OPN5: variants seen among roughly 807,000 people sequenced by gnomAD.
OPN5 encodes the protein opsin-5.
Under a neutral mutation model 41.7 loss-of-function variants are expected in OPN5, and 18 were observed. The observed-to-expected ratio is 0.43, with a 90% CI of 0.30 to 0.64. OPN5 has a LOEUF of 0.64. Ranked by LOEUF, OPN5 falls within the 30% of genes least tolerant of loss-of-function variation. The pLI is 0.13. For missense variants in OPN5, 318 were observed against 434.5 expected, an observed-to-expected ratio of 0.73 and a Z score of 2.38; for synonymous variants, 178 against 164.3, an observed-to-expected ratio of 1.08 and a Z score of -0.64.
intron 2 of OPN5, among the ~76,000 whole-genome samples, chr6:47,788,371 C>T (rs1341934582): frequency 6.6e-6 from 1 of 152,182 alleles, no homozygotes; most frequent in East Asian, 1.9e-4. Context: ...TAATAGCAGG[C>T]TCATTGCTGA....
chr6:47,813,734 A>T (rs1178609378), intron 6 of OPN5, among the ~76,000 whole-genome samples: 2 of 152,152 alleles, frequency 1.3e-5, no homozygotes, highest in African/African-American at 2.4e-5. Flanking sequence ...GACCTGAATT[A>T]AAAAATGGCA....
chr6:47,822,633 T>A (rs1333011988), intron 6 of OPN5, among the ~76,000 whole-genome samples: 1 of 152,186 alleles, frequency 6.6e-6, no homozygotes, highest in South Asian at 2.1e-4. Context: ...GGCTGGTATG[T>A]AACAGGGTGT....
exon 5 of OPN5, chr6:47,808,215 T>G: frequency 6.2e-7 from 1 of 1,613,984 alleles, no homozygotes; most frequent in Non-Finnish European, 8.5e-7. Flanking sequence ...GTGGTGTCTG[T>G]GTGGTCAGCT....
chr6:47,807,800 G>A (rs1246782715), intron 4 of OPN5, among the ~76,000 whole-genome samples: 1 of 151,882 alleles, frequency 6.6e-6, no homozygotes, highest in South Asian at 2.1e-4. Flanking sequence ...ATTTTCCATC[G>A]AGTTTTTAAG....
At chr6:47,816,554 G>C (rs1762434190) in intron 6 of OPN5, among the ~76,000 whole-genome samples, 2 of 152,144 alleles carry the variant, frequency 1.3e-5, no homozygotes, top group Non-Finnish European at 2.9e-5. Flanking sequence ...GCAAAATGGA[G>C]CTGGCCAGGT....
At chr6:47,807,822 T>C (rs1774034164) in intron 4 of OPN5, among the ~76,000 whole-genome samples, 1 of 151,866 alleles carries the variant, frequency 6.6e-6, no homozygotes, top group Non-Finnish European at 1.5e-5. Context: ...GAATGTGGGT[T>C]GAGAAGTCCA....
At chr6:47,782,341 T>A in intron 1 of OPN5, 145 bp downstream of exon 1, 1 of 638,622 alleles carries the variant, frequency 1.6e-6, no homozygotes, top group Non-Finnish European at 2.7e-6. Context: ...GGAATGGCAT[T>A]ATGGCATTCA....
At chr6:47,811,715 T>C in exon 6 of OPN5, 1 of 1,612,264 alleles carries the variant, frequency 6.2e-7, no homozygotes, top group Non-Finnish European at 8.5e-7. Context: ...TCTGCTGTGC[T>C]GGAAATTCAT....
chr6:47,798,413 T>G (rs764348440), intron 4 of OPN5, among the ~76,000 whole-genome samples: 13 of 150,640 alleles, frequency 8.6e-5, no homozygotes, highest in Non-Finnish European at 1.3e-4. Flanking sequence ...TTTGATTTGT[T>G]GTATTATTCC....
At chr6:47,784,982 G>A (rs567074835) in intron 1 of OPN5, among the ~76,000 whole-genome samples, 1 of 152,202 alleles carries the variant, frequency 6.6e-6, no homozygotes, top group East Asian at 1.9e-4. Flanking sequence ...TAATTTACAT[G>A]CAATGAATAG....
intron 4 of OPN5, among the ~76,000 whole-genome samples, chr6:47,807,238 G>A (rs561725976): frequency 1.3e-5 from 2 of 152,288 alleles, no homozygotes; most frequent in East Asian, 3.9e-4. Context: ...ATTCAGCCTT[G>A]TACTGTAGTT....
intron 4 of OPN5, among the ~76,000 whole-genome samples, chr6:47,806,190 A>G (rs1031147950): frequency 6.6e-6 from 1 of 152,066 alleles, no homozygotes; most frequent in Non-Finnish European, 1.5e-5. Flanking sequence ...CCCCCCCAAA[A>G]AACAAATAGG....
At chr6:47,813,702 T>A (rs529398530) in intron 6 of OPN5, among the ~76,000 whole-genome samples, 1 of 152,110 alleles carries the variant, frequency 6.6e-6, no homozygotes, top group East Asian at 1.9e-4. Flanking sequence ...AGAGGCTTTA[T>A]AACAAAATTA....
chr6:47,808,439 C>CA (rs748543143), intron 5 of OPN5, 44 bp downstream of exon 5: 3 of 1,606,082 alleles, frequency 1.9e-6, no homozygotes, highest in Non-Finnish European at 1.7e-6. Context: ...CTCTTTGTTT[C>CA]AAAATCCGGC....
chr6:47,800,901 A>G (rs145552874), intron 4 of OPN5, among the ~76,000 whole-genome samples: 1 of 152,342 alleles, frequency 6.6e-6, no homozygotes, highest in African/African-American at 2.4e-5. Flanking sequence ...TATGCTATAC[A>G]TGTTGGTACT....
chr6:47,787,102 G>A, intron 2 of OPN5: 1 of 982,042 alleles, frequency 1.0e-6, no homozygotes, highest in Non-Finnish European at 1.2e-6. Flanking sequence ...TGTAGGAAGA[G>A]GAAAGAGGTG....
chr6:47,824,328 G>A (rs1023991035), exon 7 of OPN5: 10 of 356,132 alleles, frequency 2.8e-5, no homozygotes, highest in African/African-American at 1.6e-4. Flanking sequence ...GGCCTGAAAA[G>A]CCTGATTCAA....
chr6:47,821,126 G>A (rs60068235), intron 6 of OPN5, among the ~76,000 whole-genome samples: 19,199 of 152,202 alleles, frequency 0.13, 1,333 homozygotes, highest in Middle Eastern at 0.16. Context: ...GCTGCATCAG[G>A]GGTGGCAGAG....
intron 5 of OPN5, among the ~76,000 whole-genome samples, chr6:47,808,690 G>A (rs189401089): frequency 1.3e-5 from 2 of 152,230 alleles, no homozygotes; most frequent in Non-Finnish European, 2.9e-5. Context: ...CTCGTACATT[G>A]CATATCTGGG....
Sources: gnomAD v4.1 joint callset for allele counts (sites outside exome capture counted in the v4.1 genomes callset) on GRCh38, gnomAD v4.1.1 for gene constraint, MANE v1.5 for transcripts, NCBI Gene and HGNC (gene_info 2026-07-23, HGNC 2026-07-21) for gene names.